GDAP1L1: variants seen among roughly 807,000 people sequenced by gnomAD.
GDAP1L1 encodes the protein ganglioside induced differentiation associated protein 1 like 1, also known as ganglioside-induced differentiation-associated protein 1-like 1.
Under a neutral mutation model 37.1 loss-of-function variants are expected in GDAP1L1, and 21 were observed. That is an observed-to-expected ratio of 0.57 (90% CI 0.40 to 0.81). The LOEUF (loss-of-function observed/expected upper bound fraction) is 0.81. GDAP1L1 is among the 40% of genes least tolerant of loss of function. GDAP1L1 has a pLI of 0.00. For synonymous variants in GDAP1L1, 193 were observed against 209.1 expected (o/e 0.92, Z 0.67); for missense variants, 362 against 491.6 (o/e 0.74, Z 2.49).
intron 5 of GDAP1L1, among the ~76,000 whole-genome samples, chr20:44,273,531 C>T (rs970871040): frequency 1.3e-5 from 2 of 152,236 alleles, no homozygotes; most frequent in African/African-American, 4.8e-5. Flanking sequence ...GGAGAACTTT[C>T]GTGCCTGCAC....
Position 44,247,521 on chromosome 20 carries a change from C to T in GDAP1L1, c.180+7C>T. 1 of 1,489,046 alleles carries T rather than the reference C, an allele frequency of 6.7e-7. No homozygotes were observed. Among genetic ancestry groups the T allele is most frequent in the Non-Finnish European group, 9.0e-7 (1 of 1,116,752 alleles). The allele number at this position is 1,489,046 out of a possible 1,614,324, so 92.2% of individuals were successfully genotyped here. A position where few individuals can be genotyped will look rare whatever the true frequency, so the allele number is the denominator to read the frequency against. ...GTCCTTCAGCTCGCAGAAGGTAGAGCCGGGCCGGGAGCCGCCTGCGCCGGT... is the reference window on the plus strand; with the variant it reads ...GTCCTTCAGCTCGCAGAAGGTAGAGTCGGGCCGGGAGCCGCCTGCGCCGGT... On this transcript the variant is annotated splice_region_variant and intron_variant, in intron 1 of 5. Transcript: ENST00000342560.
intron 5 of GDAP1L1, among the ~76,000 whole-genome samples, chr20:44,270,416 C>T (rs373451151): frequency 9.9e-5 from 15 of 152,102 alleles, no homozygotes; most frequent in South Asian, 4.2e-4. Flanking sequence ...GTGATCCACC[C>T]GCCTCGGCCT....
At chr20:44,247,574 C>A in intron 1 of GDAP1L1, 60 bp downstream of exon 1, 3 of 1,425,598 alleles carry the variant, frequency 2.1e-6, no homozygotes, top group Middle Eastern at 2.1e-4. Context: ...AGGGGAGCCC[C>A]AGGGCTTGAG....
At chr20:44,265,740 GAC>G (rs2073751707) in intron 5 of GDAP1L1, among the ~76,000 whole-genome samples, 1 of 152,120 alleles carries the variant, frequency 6.6e-6, no homozygotes, top group Admixed American at 6.6e-5. Flanking sequence ...CAGCTAAAGG[GAC>G]ACACATTCTC....
At chr20:44,275,331 T>C (rs906879359) in intron 5 of GDAP1L1, among the ~76,000 whole-genome samples, 2 of 152,136 alleles carry the variant, frequency 1.3e-5, no homozygotes, top group African/African-American at 4.8e-5. Context: ...GCCCAGCACA[T>C]ACTGCCAGGT....
intron 5 of GDAP1L1, among the ~76,000 whole-genome samples, chr20:44,274,437 T>G (rs2146052843): frequency 6.6e-6 from 1 of 152,324 alleles, no homozygotes; most frequent in African/African-American, 2.4e-5. Flanking sequence ...TCCCTTTCTC[T>G]TTGAACTCCC....
chr20:44,258,759 T>A (rs2073615153), intron 3 of GDAP1L1, 152 bp downstream of exon 3: 1 of 632,970 alleles, frequency 1.6e-6, no homozygotes, highest in Admixed American at 2.8e-5. Flanking sequence ...TCCCCGCCTC[T>A]CTCTGAGTGC....
At chr20:44,262,307 A>G (rs1166172754) in intron 3 of GDAP1L1, among the ~76,000 whole-genome samples, 1 of 152,086 alleles carries the variant, frequency 6.6e-6, no homozygotes, top group Non-Finnish European at 1.5e-5. Context: ...TTAAATGTGA[A>G]AAAATATGAG....
rs752312639 is a variant in GDAP1L1, at chr20:44,257,338, C to T, written c.366C>T (p.Phe122=). The T allele has an allele frequency of 6.2e-7, 1 of 1,613,154 alleles. No individual in the cohort carries two copies. The highest frequency in any genetic ancestry group is 8.5e-7 in the Non-Finnish European group (1 of 1,179,498). ...TCATTGACTATGTGGAGCGCACCTTCACAGGAGGTACGGCTGCCTCCCCAC... is the reference window on the plus strand; with the variant it reads ...TCATTGACTATGTGGAGCGCACCTTTACAGGAGGTACGGCTGCCTCCCCAC... ...DQIIDYVERT[F]TGEHVVALMP... Residue 122 remains phenylalanine, a synonymous_variant, in exon 2 of 6, where the codon TTC becomes TTT. Transcript: ENST00000342560.
chr20:44,257,087 G>A (rs937396846), intron 1 of GDAP1L1, 66 bp from the exon 2 acceptor site: 18 of 1,465,722 alleles, frequency 1.2e-5, no homozygotes, highest in East Asian at 2.5e-5. Context: ...GCACACCCCC[G>A]CCCCACCTGG....
In GDAP1L1 at chr20:44,276,264, G is replaced by A. The variant is rs187637070; in HGVS notation, c.761-2693G>A. Reference sequence around the variant, plus strand: ...GCAGAAGAATTGTTTGAACCCTGGAGGTGGAGGTTGCAGTGAGCCAAGATT... The same window carrying A: ...GCAGAAGAATTGTTTGAACCCTGGAAGTGGAGGTTGCAGTGAGCCAAGATT... On this transcript the variant is annotated intron_variant, in intron 5 of 5. Transcript: ENST00000342560. 9.2e-5 allele frequency among the ~76,000 whole-genome samples: 14 copies of A among 151,802 alleles called. 1 individual carries two copies. The highest frequency in any genetic ancestry group is 3.4e-4 in the African/African-American group (14 of 41,332).
chr20:44,260,056 G>T (rs1411933415), intron 3 of GDAP1L1, among the ~76,000 whole-genome samples: 2 of 152,140 alleles, frequency 1.3e-5, no homozygotes, highest in African/African-American at 4.8e-5. Flanking sequence ...TTACCCTGCA[G>T]TTACACTTGA....
chr20:44,257,041 G>A (rs2073563618), intron 1 of GDAP1L1, 112 bp from the exon 2 acceptor site: 1 of 1,116,898 alleles, frequency 9.0e-7, no homozygotes, highest in Admixed American at 2.7e-5. Flanking sequence ...AAGCAATCGT[G>A]TCCCCTCCTG....
intron 1 of GDAP1L1, among the ~76,000 whole-genome samples, chr20:44,251,162 T>C (rs1184819093): frequency 6.6e-6 from 1 of 152,182 alleles, no homozygotes; most frequent in Non-Finnish European, 1.5e-5. Context: ...CTAGTACCAA[T>C]TTCATTGGAA....
In GDAP1L1 at chr20:44,268,563, C is replaced by G. The variant is rs191048725; in HGVS notation, c.760+4004C>G. On this transcript the variant is annotated intron_variant, in intron 5 of 5. Coordinates refer to ENST00000342560, the MANE Select transcript of GDAP1L1 (RefSeq NM_024034.6). ...AGTCAAATAATCCCATAAGTAAACA[C>G]AGAATTGCACACAGCGATAAGTGTT... Among the ~76,000 whole-genome samples, 156 of 152,222 alleles carry G rather than the reference C, an allele frequency of 1.0e-3. 1 individual carries two copies. The highest frequency in any genetic ancestry group is 4.1e-3 in the South Asian group (20 of 4,824).
chr20:44,263,647 C>A (rs1019892006), intron 4 of GDAP1L1, among the ~76,000 whole-genome samples: 1 of 152,136 alleles, frequency 6.6e-6, no homozygotes, highest in African/African-American at 2.4e-5. Flanking sequence ...AGTTTGAGAC[C>A]AGCCTGGCCA....
At chr20:44,253,849 T>C (rs1382380695) in intron 1 of GDAP1L1, among the ~76,000 whole-genome samples, 2 of 152,230 alleles carry the variant, frequency 1.3e-5, no homozygotes, top group Non-Finnish European at 2.9e-5. Context: ...AGCAGGATTA[T>C]CATGCCTCTA....
At chr20:44,257,641 C>A (rs547150094) in intron 2 of GDAP1L1, among the ~76,000 whole-genome samples, 3 of 152,088 alleles carry the variant, frequency 2.0e-5, no homozygotes, top group African/African-American at 4.8e-5. Context: ...TAGCCCTTTC[C>A]CCCGAGCTCT....
At position 44,270,320 on chromosome 20, in the gene GDAP1L1, G is replaced by A. The variant is rs564622302; in HGVS notation, c.760+5761G>A. Among the ~76,000 whole-genome samples the A allele has an allele frequency of 7.3e-5, 11 of 151,196 alleles. No homozygotes were observed. The South Asian group carries it at 8.4e-4, about 12-fold the overall frequency. The stretch of plus-strand genomic sequence containing the variant: ...CAAGTAGCTGGGACTACAGGCGCCC[G>A]CCACTACGCCCGGCTAATTTTTTGT... On this transcript the variant is annotated intron_variant, in intron 5 of 5. Transcript: ENST00000342560.
Sources: gnomAD v4.1 joint callset for allele counts (sites outside exome capture counted in the v4.1 genomes callset) on GRCh38, gnomAD v4.1.1 for gene constraint, MANE v1.5 for transcripts, NCBI Gene and HGNC (gene_info 2026-07-23, HGNC 2026-07-21) for gene names.